The following ZPBP variants were observed in gnomAD, a reference collection of about 807,000 sequenced individuals.
ZPBP encodes zona pellucida-binding protein 1.
Under a neutral mutation model 44.8 loss-of-function variants are expected in ZPBP, and 26 were observed. That is an observed-to-expected ratio of 0.58 (90% CI 0.43 to 0.81). The LOEUF is 0.81. ZPBP is among the 30% of genes least tolerant of loss of function. The pLI, the probability that ZPBP is intolerant of heterozygous loss-of-function variation, is 0.00. For synonymous variants in ZPBP, 174 were observed against 153.2 expected, an observed-to-expected ratio of 1.14 and a Z score of -1.00; for missense variants, 409 against 434.0, an observed-to-expected ratio of 0.94 and a Z score of 0.51.
chr7:49,990,312 T>G (rs1179875987), intron 6 of ZPBP, among the ~76,000 whole-genome samples: 1 of 152,144 alleles, frequency 6.6e-6, no homozygotes, highest in Non-Finnish European at 1.5e-5. Context: ...TCCCACCCCC[T>G]TGGGCACCCC....
chr7:50,022,767 A>G (rs1032839118), intron 5 of ZPBP, among the ~76,000 whole-genome samples: 2 of 152,116 alleles, frequency 1.3e-5, no homozygotes, highest in African/African-American at 4.8e-5. Flanking sequence ...GTAGAGGCAG[A>G]TAGGTGTATA....
At chr7:50,089,219 T>C (rs909918932) in intron 2 of ZPBP, among the ~76,000 whole-genome samples, 2 of 152,116 alleles carry the variant, frequency 1.3e-5, no homozygotes, top group African/African-American at 4.8e-5. Context: ...AAGAATTTTA[T>C]GGCATGTGAA....
At chr7:50,020,862 G>GGAA (rs1378723889) in intron 5 of ZPBP, among the ~76,000 whole-genome samples, 1 of 152,026 alleles carries the variant, frequency 6.6e-6, no homozygotes, top group African/African-American at 2.4e-5. Flanking sequence ...CAGAATATAA[G>GGAA]AAAATCTCTG....
At position 49,866,896 on chromosome 7, in the gene ZPBP, T is replaced by C. The variant is rs546802146; in HGVS notation, n.510-16382A>G. Among the ~76,000 whole-genome samples the C allele has an allele frequency of 7.2e-5, 11 of 152,288 alleles. No individual in the cohort carries two copies. In the East Asian group the frequency reaches 1.2e-3, roughly 16 times the overall value. The stretch of plus-strand genomic sequence containing the variant: ...CGGGAACATGCCTGAAATGGCTCCA[T>C]TGGAGCAGCAGCACAGCAAAGCCAC... On this transcript the variant is annotated intron_variant and non_coding_transcript_variant, in intron 2 of 2. Coordinates refer to the ZPBP transcript ENST00000465922.
chr7:49,971,028 G>A (rs1385493899), intron 7 of ZPBP, among the ~76,000 whole-genome samples: 3 of 151,842 alleles, frequency 2.0e-5, no homozygotes, highest in African/African-American at 7.3e-5. Flanking sequence ...TCACTGACAA[G>A]GCAAGACCCC....
intron 7 of ZPBP, among the ~76,000 whole-genome samples, chr7:49,962,440 C>T (rs139839446): frequency 0.014 from 2,089 of 151,784 alleles, 22 homozygotes; most frequent in Non-Finnish European, 0.022. Context: ...AAAAATTCAA[C>T]CTGATTTACG....
chr7:49,867,785 C>T (rs547058077), intron 2 of ZPBP, among the ~76,000 whole-genome samples: 12 of 152,290 alleles, frequency 7.9e-5, no homozygotes, highest in African/African-American at 2.2e-4. Context: ...CTGCCTACAG[C>T]AGCCTTTTAT....
At chr7:49,841,849 A>T in the ZPBP span, among the ~76,000 whole-genome samples, 1 of 152,128 alleles carries the variant, frequency 6.6e-6, no homozygotes, top group Admixed American at 6.5e-5. Flanking sequence ...AACTCCTAGG[A>T]GGAGAATGTT....
chr7:50,007,703 AATGTTAAG>A (rs1798368965), intron 6 of ZPBP, among the ~76,000 whole-genome samples: 1 of 152,108 alleles, frequency 6.6e-6, no homozygotes, highest in African/African-American at 2.4e-5. Flanking sequence ...TTATTGCTGA[AATGTTAAG>A]ATGTTTCAAC....
chr7:49,910,781 T>C (rs7783523), intron 1 of ZPBP, among the ~76,000 whole-genome samples: 1 of 152,156 alleles, frequency 6.6e-6, no homozygotes. Context: ...CTGTGAAAGA[T>C]AGACTCCTGC....
At chr7:50,062,512 A>G (rs1468728507) in intron 3 of ZPBP, among the ~76,000 whole-genome samples, 3 of 152,242 alleles carry the variant, frequency 2.0e-5, no homozygotes, top group African/African-American at 7.2e-5. Context: ...GACCCCACAA[A>G]TAAAGCCACA....
intron 6 of ZPBP, among the ~76,000 whole-genome samples, chr7:49,992,779 C>A (rs1797627982): frequency 6.6e-6 from 1 of 152,090 alleles, no homozygotes; most frequent in African/African-American, 2.4e-5. Flanking sequence ...TTCTTAACTG[C>A]TGACAGCCAA....
At chr7:50,001,753 C>G (rs146157003) in intron 6 of ZPBP, among the ~76,000 whole-genome samples, 249 of 152,166 alleles carry the variant, frequency 1.6e-3, no homozygotes, top group Admixed American at 5.1e-3. Flanking sequence ...GATGGGAAAC[C>G]CGGGAGGACC....
At chr7:49,920,364 T>C (rs933190388) in intron 1 of ZPBP, 2 of 152,326 alleles carry the variant, frequency 1.3e-5, no homozygotes, top group East Asian at 1.9e-4. Context: ...CATCTTTCTA[T>C]ACATGCATGC....
At chr7:49,867,447 T>C (rs1197731795) in intron 2 of ZPBP, among the ~76,000 whole-genome samples, 2 of 152,024 alleles carry the variant, frequency 1.3e-5, no homozygotes, top group Admixed American at 1.3e-4. Context: ...GAGGCGGAGG[T>C]GGGCCTCCCA....
chr7:49,896,956 C>T (rs913143295), intron 2 of ZPBP, among the ~76,000 whole-genome samples: 14 of 141,566 alleles, frequency 9.9e-5, no homozygotes, highest in African/African-American at 3.2e-4. Context: ...ACTGCAGTGG[C>T]GCAATCTCGG....
chr7:49,929,436 A>G (rs726383), intron 1 of ZPBP, among the ~76,000 whole-genome samples: 118,245 of 152,052 alleles, frequency 0.78, 46,152 homozygotes, highest in East Asian at 0.89. Flanking sequence ...CTGACTTCTC[A>G]AAGAAAGTGA....
In ZPBP at chr7:49,857,303, G is replaced by C. The variant is rs377332903; in HGVS notation, n.510-6789C>G. 1.5e-3 allele frequency among the ~76,000 whole-genome samples: 236 copies of C among 152,258 alleles called. 3 individuals are homozygous for C. Among genetic ancestry groups the C allele is most frequent in the African/African-American group, 5.4e-3 (226 of 41,546 alleles). ...TGCAGTATTTCTTCTTCTGTGACTG[G>C]CTTTTTCCACTAAGCATAATGTCCT... On this transcript the variant is annotated intron_variant and non_coding_transcript_variant, in intron 2 of 2. Coordinates refer to the ZPBP transcript ENST00000465922.
At chr7:50,075,840 A>T (rs1428084934) in intron 3 of ZPBP, among the ~76,000 whole-genome samples, 1 of 151,966 alleles carries the variant, frequency 6.6e-6, no homozygotes. Context: ...AAGAAATAAT[A>T]CCAATCCTAC....
Sources: allele counts gnomAD v4.1 joint callset (sites outside exome capture counted in the v4.1 genomes callset), GRCh38; gene constraint gnomAD v4.1.1; transcripts MANE v1.5; gene names NCBI Gene and HGNC (gene_info 2026-07-23, HGNC 2026-07-21).